The following MYH6 variants were observed in gnomAD, a reference collection of about 807,000 sequenced individuals.
MYH6 encodes myosin-6.
Under a neutral mutation model 223.2 loss-of-function variants are expected in MYH6, and 126 were observed. That is an observed-to-expected ratio of 0.56 (90% CI 0.49 to 0.65). The LOEUF (loss-of-function observed/expected upper bound fraction) is 0.65, where lower values mean the gene tolerates loss of function less well. Among genes scored for constraint, MYH6 ranks in the 30% least tolerant of loss-of-function variants. The pLI is 0.00. For synonymous variants in MYH6, 978 were observed against 1,010.2 expected (o/e 0.97, Z 0.61); for missense variants, 2,040 against 2,536.4 (o/e 0.80, Z 4.20).
intron 36 of MYH6, 21 bp from the exon 37 acceptor site, chr14:23,383,341 G>GGGGGGCCCCCCCCCCCC: frequency 1.8e-6 from 1 of 556,570 alleles, no homozygotes; most frequent in Non-Finnish European, 3.3e-6. Context: ...GAGGGTGGGA[G>GGGGGGCCCCCCCCCCCC]AAGCTGGTTT....
intron 32 of MYH6, 80 bp from the exon 33 acceptor site, chr14:23,386,703 AGCCAG>A: frequency 6.7e-7 from 1 of 1,489,690 alleles, no homozygotes. Context: ...ACACGGTGTC[AGCCAG>A]GACTATCGCC....
At chr14:23,402,141 G>A (rs1010152402) in intron 12 of MYH6, among the ~76,000 whole-genome samples, 1 of 152,240 alleles carries the variant, frequency 6.6e-6, no homozygotes, top group African/African-American at 2.4e-5. Context: ...CCCACGAGGG[G>A]CTTACCCAAG....
intron 27 of MYH6, 30 bp downstream of exon 27, chr14:23,389,563 C>G (rs754057562): frequency 6.2e-7 from 1 of 1,614,198 alleles, no homozygotes; most frequent in South Asian, 1.1e-5. Context: ...ATGTCCTGCC[C>G]TAGGCAGGGG....
In MYH6 at chr14:23,392,630, G is replaced by C. The variant is rs567433969; in HGVS notation, c.3274C>G (p.Gln1092Glu). 22 of 1,512,900 alleles carry C rather than the reference G, an allele frequency of 1.5e-5. No homozygotes were observed. In the Admixed American group the frequency reaches 2.7e-4, roughly 19 times the overall value. 93.7% of individuals were successfully genotyped at this position (1,512,900 alleles called of 1,614,324 possible). ...LKKKEFDINQ[Q>E]NSKIEDEQVL... is the part of the protein sequence containing the mutation. Reference sequence around the variant, plus strand: ...TGCTCATCCTCAATCTTACTGTTCTGCTGATTAATGTCAAACTCCTTCCTG... The same window carrying C: ...TGCTCATCCTCAATCTTACTGTTCTCCTGATTAATGTCAAACTCCTTCCTG... Residue 1092 changes from glutamine (Q) to glutamate (E), a missense_variant, in exon 25 of 39, where the codon CAG (glutamine) becomes GAG (glutamate). Gln to Glu is a conservative substitution (Grantham distance 29). This residue lies in a region of MYH6 where 1,203 missense variants were observed against 1,400.2 expected (regional missense o/e 0.86). Transcript: ENST00000405093.
At chr14:23,399,962 T>C in intron 14 of MYH6, 1 of 464,584 alleles carries the variant, frequency 2.2e-6, no homozygotes, top group Non-Finnish European at 4.0e-6. Flanking sequence ...GATCTTTCCA[T>C]GAATGACGCT....
chr14:23,383,339 G>GGGGGGGGC lies in MYH6; in HGVS notation c.5566-20_5566-19insGCCCCCCC. The GGGGGGGGC allele has an allele frequency of 1.8e-5, 2 of 108,200 alleles. No homozygotes were observed. The highest frequency in any genetic ancestry group is 1.6e-4 in the Admixed American group (1 of 6,390). 6.7% of individuals were successfully genotyped at this position (108,200 alleles called of 1,614,324 possible). A position where few individuals can be genotyped will look rare whatever the true frequency, so the allele number is the denominator to read the frequency against. ...CCTCTGTCTGGGGGTGGGAGGGTGG[G>GGGGGGGGC]AGAAGCTGGTTTGGAGGGGGAGCAA... On this transcript the variant is annotated intron_variant, in intron 36 of 38. Transcript: ENST00000405093.
chr14:23,388,773 C>G (rs2138589773), intron 29 of MYH6, 86 bp downstream of exon 29: 2 of 1,592,818 alleles, frequency 1.3e-6, no homozygotes, highest in African/African-American at 2.7e-5. Context: ...CCACTTCCGT[C>G]TCATGACCAC....
chr14:23,385,050 GGAGA>G lies in MYH6; in HGVS notation c.5164-13_5164-10del. 1 of 1,614,028 alleles carries G rather than the reference GGAGA, an allele frequency of 6.2e-7. No individual in the cohort carries two copies. On this transcript the variant is annotated splice_polypyrimidine_tract_variant and intron_variant, in intron 34 of 38. Transcript: ENST00000405093. Reference sequence around the variant, plus strand: ...TTGATGAGGCTGGTGTTCTAGACATGGAGAGAGAAAAATGATCAAATATATACTA... The same window carrying G: ...TTGATGAGGCTGGTGTTCTAGACATGGAGAAAAATGATCAAATATATACTA...
chr14:23,400,150 G>A (rs1891553717), intron 14 of MYH6, 106 bp downstream of exon 14: 4 of 1,548,116 alleles, frequency 2.6e-6, no homozygotes, highest in East Asian at 2.3e-5. Flanking sequence ...CTGGAGAAAG[G>A]CCTGGGATTC....
Position 23,382,035 on chromosome 14 carries a change from C to A in MYH6, c.*5G>T, listed in dbSNP as rs139102144. ...GTTGGCAAGAGTGAGGTTCCCGAGG[C>A]AGTGTCACTCCTCATCGTGCATTTT... On this transcript the variant is annotated 3_prime_UTR_variant, in exon 39 of 39. Coordinates refer to ENST00000405093, the MANE Select transcript of MYH6 (RefSeq NM_002471.4). 28 of 1,614,184 alleles carry A rather than the reference C, an allele frequency of 1.7e-5. No individual in the cohort carries two copies. The African/African-American group carries it at 3.5e-4, about 20-fold the overall frequency.
Position 23,406,641 on chromosome 14 carries a change from G to A in MYH6, c.201+382C>T, listed in dbSNP as rs189781291. Among the ~76,000 whole-genome samples, 32 of 152,296 alleles carry A rather than the reference G, an allele frequency of 2.1e-4. 1 individual carries two copies. The highest frequency in any genetic ancestry group is 1.8e-3 in the Admixed American group (28 of 15,300). Reference sequence around the variant, plus strand: ...GGGTCTAAGAATTACTCTTGATTTGGGTGAACGGAATTTGAGAAAGTGGAC... The same window carrying A: ...GGGTCTAAGAATTACTCTTGATTTGAGTGAACGGAATTTGAGAAAGTGGAC... On this transcript the variant is annotated intron_variant, in intron 3 of 38. Transcript: ENST00000405093.
intron 16 of MYH6, 55 bp downstream of exon 16, chr14:23,397,488 G>T: frequency 6.3e-7 from 1 of 1,579,544 alleles, no homozygotes; most frequent in Non-Finnish European, 8.7e-7. Flanking sequence ...GCAGCCAGAA[G>T]TCTCTGGGCT....
chr14:23,400,962 G>A lies in MYH6; in HGVS notation c.1157C>T (p.Ala386Val). The A allele has an allele frequency of 1.9e-6, 3 of 1,614,126 alleles. No homozygotes were observed. Among genetic ancestry groups the A allele is most frequent in the Non-Finnish European group, 2.5e-6 (3 of 1,180,040 alleles). ...PDGTEDADKS[A>V]YLMGLNSADL... The stretch of plus-strand genomic sequence containing the variant: ...AGCTGAGTTCAGCCCCATGAGGTAG[G>A]CCGACTTGTCAGCATCTGGTTGAGA... The change falls in exon 13 of 39, where the codon GCC (alanine) becomes GTC (valine). Residue 386 changes from alanine to valine, a missense_variant. By Grantham distance (64) the Ala-to-Val change is moderately conservative. Transcript: ENST00000405093.
chr14:23,397,149 T>C, intron 17 of MYH6, 21 bp downstream of exon 17: 2 of 1,614,170 alleles, frequency 1.2e-6, no homozygotes, highest in Non-Finnish European at 1.7e-6. Context: ...CTCCCCAGAC[T>C]AAGGTCTTCT....
At chr14:23,404,673 C>A (rs748256733) in intron 7 of MYH6, 38 bp downstream of exon 7, 1 of 1,588,684 alleles carries the variant, frequency 6.3e-7, no homozygotes, top group Non-Finnish European at 8.6e-7. Flanking sequence ...GCCTGCCCCC[C>A]AACCCCTGTT....
intron 32 of MYH6, 50 bp downstream of exon 32, chr14:23,387,479 G>A (rs1381399267): frequency 6.2e-7 from 1 of 1,608,386 alleles, no homozygotes; most frequent in Non-Finnish European, 8.5e-7. Context: ...GGGAGAAGTG[G>A]GAGACAGCGG....
rs1216628487 is a variant in MYH6, at chr14:23,385,051, G to C, written c.5164-10C>G. 2 of 1,613,998 alleles carry C rather than the reference G, an allele frequency of 1.2e-6. No individual in the cohort carries two copies. The highest frequency in any genetic ancestry group is 2.2e-5 in the East Asian group (1 of 44,868). On this transcript the variant is annotated splice_polypyrimidine_tract_variant and intron_variant, in intron 34 of 38. Transcript: ENST00000405093. ...TGATGAGGCTGGTGTTCTAGACATG[G>C]AGAGAGAAAAATGATCAAATATATA...
rs727503238 is a variant in MYH6 at position 23,393,467 on chromosome 14, G to T, written c.2980C>A (p.Leu994Met). Reference protein sequence around the residue: ...MAGLDEIIAKLTKEKKALQEA... With the variant: ...MAGLDEIIAKMTKEKKALQEA... ...TGTAGAGCTTTCTTCTCCTTGGTCA[G>T]CTTAGCGATGATTTCATCCAGCCCA... Residue 994 changes from leucine (L) to methionine (M), a missense_variant, in exon 23 of 39, where the codon CTG becomes ATG. By Grantham distance (15) the Leu-to-Met change is conservative (BLOSUM62 2). Around this residue, in one of 4 missense-constraint regions of MYH6, gnomAD observed 1,203 missense variants for 1,400.2 expected, o/e 0.86. Transcript: ENST00000405093. 8.7e-6 allele frequency: 14 copies of T among 1,614,034 alleles called. No homozygotes were observed. The highest frequency in any genetic ancestry group is 1.2e-5 in the Non-Finnish European group (14 of 1,180,034).
chr14:23,383,339 G>GGGGGCA lies in MYH6; in HGVS notation c.5566-20_5566-19insTGCCCC. ...CCTCTGTCTGGGGGTGGGAGGGTGG[G>GGGGGCA]AGAAGCTGGTTTGGAGGGGGAGCAA... On this transcript the variant is annotated intron_variant, in intron 36 of 38. Transcript: ENST00000405093. 2.8e-5 allele frequency: 3 copies of GGGGGCA among 108,202 alleles called. No homozygotes were observed. The highest frequency in any genetic ancestry group is 5.5e-5 in the Non-Finnish European group (3 of 54,384). The allele number at this position is 108,202 out of a possible 1,614,324, so 6.7% of individuals were successfully genotyped here.
Sources: allele counts gnomAD v4.1 joint callset (sites outside exome capture counted in the v4.1 genomes callset), GRCh38; gene constraint gnomAD v4.1.1; regional missense constraint gnomAD v4.1.1; transcripts MANE v1.5; gene names NCBI Gene and HGNC (gene_info 2026-07-23, HGNC 2026-07-21).